Variants in CLYBL observed in about 807,000 individuals in gnomAD.
The protein encoded by CLYBL is citramalyl-CoA lyase.
A neutral mutation model predicts 38.9 loss-of-function variants in CLYBL; 31 were observed. The ratio of observed to expected loss-of-function variants is 0.80; its 90% CI spans 0.60 to 1.08. CLYBL has a LOEUF of 1.08. Ranked by LOEUF, CLYBL falls within the 50% of genes least tolerant of loss-of-function variation. The pLI, the probability that CLYBL is intolerant of heterozygous loss-of-function variation, is 0.00. For missense variants in CLYBL, 434 were observed against 411.6 expected (o/e 1.05, Z -0.47); for synonymous variants, 171 against 158.6 (o/e 1.08, Z -0.59).
chr13:99,719,761 G>A (rs566344598), intron 1 of CLYBL, among the ~76,000 whole-genome samples: 1 of 152,152 alleles, frequency 6.6e-6, no homozygotes, highest in Admixed American at 6.5e-5. Context: ...ACCCACCTCA[G>A]CCCCACAAAG....
rs1314018184 is a variant in CLYBL, at chr13:99,684,384, A to G, written c.62+77627A>G. Among the ~76,000 whole-genome samples, 6 of 151,940 alleles carry G rather than the reference A, an allele frequency of 3.9e-5. No individual in the cohort carries two copies. The East Asian group carries it at 1.2e-3, about 29-fold the overall frequency. Reference sequence around the variant, plus strand: ...TAGCCACCGGGCCCGGCCCAGTATAATCTTATGGGAGCACTGTGGTATATT... The same window carrying G: ...TAGCCACCGGGCCCGGCCCAGTATAGTCTTATGGGAGCACTGTGGTATATT... On this transcript the variant is annotated intron_variant, in intron 1 of 8. Transcript: ENST00000339105.
intron 1 of CLYBL, among the ~76,000 whole-genome samples, chr13:99,753,571 A>T (rs944103342): frequency 2.6e-5 from 4 of 152,204 alleles, no homozygotes; most frequent in Non-Finnish European, 2.9e-5. Context: ...TACCTGATTG[A>T]TACTGGGTTT....
intron 2 of CLYBL, among the ~76,000 whole-genome samples, chr13:99,819,413 AATTT>A (rs1384321241): frequency 1.5e-5 from 1 of 64,520 alleles, no homozygotes; most frequent in Non-Finnish European, 3.1e-5. Context: ...ACTGGGAAAA[AATTT>A]ATATATATAT....
intron 1 of CLYBL, among the ~76,000 whole-genome samples, chr13:99,677,119 C>G (rs143328433): frequency 1.3e-3 from 190 of 151,896 alleles, no homozygotes; most frequent in African/African-American, 4.2e-3. Flanking sequence ...TTTATTTTTT[C>G]TGTTCCTGGA....
At chr13:99,621,954 T>C (rs1284472447) in intron 1 of CLYBL, among the ~76,000 whole-genome samples, 2 of 152,202 alleles carry the variant, frequency 1.3e-5, no homozygotes, top group African/African-American at 2.4e-5. Flanking sequence ...CCAAGGTGTT[T>C]ACAGGGATGG....
rs538313830 is a variant in CLYBL at position 99,633,176 on chromosome 13, A to G, written c.62+26419A>G. ...CAGTGAGCCGAGATCATACCAGTGC[A>G]CTCCAGCCTGGGCAACAGAGCAAGA... On this transcript the variant is annotated intron_variant, in intron 1 of 8. Coordinates refer to ENST00000339105, the MANE Select transcript of CLYBL (RefSeq NM_206808.5). Among the ~76,000 whole-genome samples, 9 of 132,578 alleles carry G rather than the reference A, an allele frequency of 6.8e-5. No homozygotes were observed. The South Asian group carries it at 1.9e-3, about 27-fold the overall frequency. The allele number at this position is 132,578 out of a possible 152,430, so 87.0% of individuals were successfully genotyped here. A position where few individuals can be genotyped will look rare whatever the true frequency, so the allele number is the denominator to read the frequency against.
chr13:99,759,893 A>G (rs981884501), intron 1 of CLYBL, among the ~76,000 whole-genome samples: 1 of 152,206 alleles, frequency 6.6e-6, no homozygotes, highest in South Asian at 2.1e-4. Context: ...GCAATTTCAT[A>G]TAGTTCAGCT....
In CLYBL at chr13:99,784,485, C is replaced by T. The variant is rs528095911; in HGVS notation, c.249+11475C>T. Among the ~76,000 whole-genome samples, 344 of 86,692 alleles carry T rather than the reference C, an allele frequency of 4.0e-3. 1 individual carries two copies. The highest frequency in any genetic ancestry group is 6.2e-3 in the Non-Finnish European group (262 of 42,190). The allele number at this position is 86,692 out of a possible 152,430, so 56.9% of individuals were successfully genotyped here. A position where few individuals can be genotyped will look rare whatever the true frequency, so the allele number is the denominator to read the frequency against. On this transcript the variant is annotated intron_variant, in intron 2 of 8. Transcript: ENST00000339105. ...TTTTTTTTTTTTTGAGATGGACTCTCACTTTGTTGCTCAGTCTGGAGTGCA... is the reference window on the plus strand; with the variant it reads ...TTTTTTTTTTTTTGAGATGGACTCTTACTTTGTTGCTCAGTCTGGAGTGCA...
intron 1 of CLYBL, among the ~76,000 whole-genome samples, chr13:99,694,680 T>C (rs2047953690): frequency 6.6e-6 from 1 of 152,220 alleles, no homozygotes; most frequent in African/African-American, 2.4e-5. Context: ...AATGGAAAAT[T>C]GCTTTCTGAG....
intron 2 of CLYBL, among the ~76,000 whole-genome samples, chr13:99,834,760 A>T (rs1431766319): frequency 6.6e-6 from 1 of 152,168 alleles, no homozygotes; most frequent in African/African-American, 2.4e-5. Context: ...GTATTAAAAG[A>T]CCATGTGGCT....
intron 1 of CLYBL, among the ~76,000 whole-genome samples, chr13:99,637,965 T>TTTTTTTA (rs1566595663): frequency 1.8e-4 from 23 of 126,488 alleles, no homozygotes; most frequent in African/African-American, 9.3e-4. Context: ...ACAGTGCCTT[T>TTTTTTTA]TTTTTTTTTT....
At chr13:99,749,248 C>A (rs564506644) in intron 1 of CLYBL, among the ~76,000 whole-genome samples, 140 of 152,206 alleles carry the variant, frequency 9.2e-4, no homozygotes, top group African/African-American at 3.3e-3. Context: ...ACGTCCCTCG[C>A]CCCTGGTGTC....
At chr13:99,793,484 C>T (rs950851669) in intron 2 of CLYBL, among the ~76,000 whole-genome samples, 6 of 152,094 alleles carry the variant, frequency 3.9e-5, no homozygotes, top group Admixed American at 1.3e-4. Context: ...AAAACCTATC[C>T]AGGTTTTTAT....
At chr13:99,681,914 T>C (rs1275924976) in intron 1 of CLYBL, among the ~76,000 whole-genome samples, 1 of 152,128 alleles carries the variant, frequency 6.6e-6, no homozygotes, top group Non-Finnish European at 1.5e-5. Flanking sequence ...TAGTTTCAGA[T>C]TACAGTCATG....
intron 1 of CLYBL, among the ~76,000 whole-genome samples, chr13:99,646,661 C>T (rs747866466): frequency 1.4e-3 from 214 of 150,932 alleles, no homozygotes; most frequent in African/African-American, 4.9e-3. Context: ...TGCAGGTGCC[C>T]GCTACCACAC....
intron 1 of CLYBL, among the ~76,000 whole-genome samples, chr13:99,646,585 C>T (rs2047179962): frequency 6.8e-6 from 1 of 147,382 alleles, no homozygotes; most frequent in African/African-American, 2.5e-5. Flanking sequence ...GTGATCTCGG[C>T]TCACTGCAAC....
intron 1 of CLYBL, among the ~76,000 whole-genome samples, chr13:99,713,528 C>T (rs1489811734): frequency 2.0e-5 from 3 of 151,196 alleles, no homozygotes; most frequent in Admixed American, 6.6e-5. Flanking sequence ...CTAGTAGAGA[C>T]GGGGTTTCAC....
chr13:99,713,176 T>G (rs115759518), intron 1 of CLYBL, among the ~76,000 whole-genome samples: 3,979 of 152,166 alleles, frequency 0.026, 182 homozygotes, highest in African/African-American at 0.091. Context: ...TTCTTGAAGA[T>G]CTCTCTTGAA....
intron 1 of CLYBL, among the ~76,000 whole-genome samples, chr13:99,735,685 A>G (rs1479522404): frequency 6.6e-6 from 1 of 152,216 alleles, no homozygotes; most frequent in African/African-American, 2.4e-5. Context: ...GTGTTTCCAT[A>G]TATAAAACAG....
Sources: allele counts gnomAD v4.1 joint callset (sites outside exome capture counted in the v4.1 genomes callset), GRCh38; gene constraint gnomAD v4.1.1; transcripts MANE v1.5; gene names NCBI Gene and HGNC (gene_info 2026-07-23, HGNC 2026-07-21).